Variants in ECM2 observed in about 807,000 individuals in gnomAD.
The protein encoded by ECM2 is extracellular matrix protein 2, female organ and adipocyte specific.
A neutral mutation model predicts 67.5 loss-of-function variants in ECM2; 57 were observed. The observed-to-expected ratio is 0.84, with a 90% CI of 0.68 to 1.05. The LOEUF (loss-of-function observed/expected upper bound fraction) is 1.05, where lower values mean the gene tolerates loss of function less well. Among genes scored for constraint, ECM2 ranks in the 50% least tolerant of loss-of-function variants. The probability of loss-of-function intolerance (pLI) is 0.00; values close to 1 mark genes in which losing one functional copy is unlikely to be tolerated. For synonymous variants in ECM2, 258 were observed against 294.5 expected (o/e 0.88, Z 1.27); for missense variants, 741 against 822.8 (o/e 0.90, Z 1.22).
At chr9:92,536,173 AT>A (rs1027838347), upstream of ECM2, 72 of 339,804 alleles carry the variant, frequency 2.1e-4, no homozygotes, top group East Asian at 4.0e-4. Context: ...CAAGGGAAAT[AT>A]TTTTTTTAAT....
chr9:92,541,916 C>T, the ECM2 span, among the ~76,000 whole-genome samples: 1 of 152,142 alleles, frequency 6.6e-6, no homozygotes, highest in Non-Finnish European at 1.5e-5. Context: ...GCCTCAGCTT[C>T]ATGAGTAGCT....
upstream of ECM2, among the ~76,000 whole-genome samples, chr9:92,541,258 CAAAAT>C (rs999853973): frequency 1.8e-4 from 27 of 152,080 alleles, no homozygotes; most frequent in East Asian, 5.8e-4. Context: ...GACTCCATCT[CAAAAT>C]AAAATAAAAT....
At chr9:92,548,106 T>C in the ECM2 span, among the ~76,000 whole-genome samples, 24 of 152,298 alleles carry the variant, frequency 1.6e-4, no homozygotes, top group Middle Eastern at 3.4e-3. Context: ...TAAAAATAAA[T>C]AGTGGTTTGG....
the ECM2 span, among the ~76,000 whole-genome samples, chr9:92,547,121 C>T: frequency 1.3e-5 from 2 of 152,122 alleles, no homozygotes; most frequent in African/African-American, 4.8e-5. Context: ...GTAAGTGTAA[C>T]AGTCCAAACA....
At position 92,514,820 on chromosome 9, in the gene ECM2, C is replaced by T. The variant is rs747962006; in HGVS notation, c.865G>A (p.Glu289Lys). Residue 289 changes from glutamate to lysine, a missense_variant, in exon 4 of 10, where the codon GAG (glutamate) becomes AAG (lysine). By Grantham distance (56) the Glu-to-Lys change is moderately conservative (BLOSUM62 1). Coordinates refer to ENST00000344604, the MANE Select transcript of ECM2 (RefSeq NM_001393.4). ...GEEGEEDEEDEEDPVRGDMFR... is the reference protein window; with the variant it reads ...GEEGEEDEEDKEDPVRGDMFR... ...ATATCTCCTCTTACCGGGTCCTCCTCGTCCTCCTCATCCTCCTCACCCTCC... is the reference window on the plus strand; with the variant it reads ...ATATCTCCTCTTACCGGGTCCTCCTTGTCCTCCTCATCCTCCTCACCCTCC... The T allele has an allele frequency of 9.3e-6, 15 of 1,613,026 alleles. No individual in the cohort carries two copies. The Admixed American group carries it at 1.7e-4, about 18-fold the overall frequency.
chr9:92,531,979 T>C (rs1050385756), intron 1 of ECM2, among the ~76,000 whole-genome samples: 13 of 150,496 alleles, frequency 8.6e-5, no homozygotes, highest in Non-Finnish European at 3.0e-5. Context: ...TGTTGCCTTC[T>C]TCCCACCTAC....
chr9:92,549,603 C>A, the ECM2 span, among the ~76,000 whole-genome samples: 1,489 of 150,350 alleles, frequency 9.9e-3, 17 homozygotes, highest in Non-Finnish European at 0.014. Context: ...GCCAAGATCG[C>A]GCCACTGCAC....
upstream of ECM2, among the ~76,000 whole-genome samples, chr9:92,536,329 T>G (rs1849160976): frequency 6.6e-6 from 1 of 152,138 alleles, no homozygotes; most frequent in South Asian, 2.1e-4. Flanking sequence ...ATGTTAAAGT[T>G]TATACTAGCC....
At chr9:92,543,100 G>C in the ECM2 span, among the ~76,000 whole-genome samples, 1 of 152,118 alleles carries the variant, frequency 6.6e-6, no homozygotes, top group Non-Finnish European at 1.5e-5. Context: ...CCAGTACTAT[G>C]CTGTTTGGAT....
chr9:92,539,673 A>G (rs1440922650), upstream of ECM2, among the ~76,000 whole-genome samples: 2 of 152,162 alleles, frequency 1.3e-5, no homozygotes, highest in Non-Finnish European at 2.9e-5. Context: ...GGGGAGGAGT[A>G]GTATGGACTT....
chr9:92,498,836 T>G (rs1456849375), intron 9 of ECM2, among the ~76,000 whole-genome samples: 6 of 152,208 alleles, frequency 3.9e-5, no homozygotes, highest in African/African-American at 1.4e-4. Flanking sequence ...ATTTTCAGTG[T>G]AAGAGAAACA....
chr9:92,528,765 A>C (rs1848568604), intron 1 of ECM2, among the ~76,000 whole-genome samples: 1 of 144,540 alleles, frequency 6.9e-6, no homozygotes, highest in Non-Finnish European at 1.5e-5. Flanking sequence ...TTTCTGAAAG[A>C]ATTAAACTGC....
chr9:92,500,626 T>A (rs1052710429), intron 9 of ECM2, 101 bp downstream of exon 9: 7 of 1,235,942 alleles, frequency 5.7e-6, no homozygotes, highest in Non-Finnish European at 7.9e-6. Context: ...GCACCATTTT[T>A]TTTTCCCTTA....
intron 8 of ECM2, 30 bp from the exon 9 acceptor site, chr9:92,501,083 G>A: frequency 1.3e-6 from 2 of 1,598,564 alleles, no homozygotes; most frequent in Non-Finnish European, 1.7e-6. Flanking sequence ...AAACAGGGTA[G>A]GGACATCAGG....
At chr9:92,524,399 C>T (rs947846862) in intron 1 of ECM2, among the ~76,000 whole-genome samples, 14 of 152,154 alleles carry the variant, frequency 9.2e-5, no homozygotes, top group African/African-American at 1.9e-4. Context: ...GACAGACTGG[C>T]GCAATCCCTG....
At chr9:92,502,249 A>C (rs1425866316) in intron 8 of ECM2, among the ~76,000 whole-genome samples, 1 of 152,204 alleles carries the variant, frequency 6.6e-6, no homozygotes, top group Non-Finnish European at 1.5e-5. Flanking sequence ...GGCATATGAT[A>C]GGGTGTCCAG....
chr9:92,552,004 G>GATAGACC, the ECM2 span, among the ~76,000 whole-genome samples: 1 of 138,728 alleles, frequency 7.2e-6, no homozygotes, highest in Non-Finnish European at 1.6e-5. Flanking sequence ...ATATATATGT[G>GATAGACC]TATATATATG....
chr9:92,522,501 C>G (rs1848135939), intron 2 of ECM2, 74 bp downstream of exon 2: 1 of 1,368,700 alleles, frequency 7.3e-7, no homozygotes, highest in Non-Finnish European at 9.7e-7. Flanking sequence ...CTCTCTCCCT[C>G]TCTCCTTCTC....
intron 2 of ECM2, among the ~76,000 whole-genome samples, chr9:92,520,998 G>C (rs1359422630): frequency 6.6e-6 from 1 of 152,160 alleles, no homozygotes; most frequent in African/African-American, 2.4e-5. Flanking sequence ...CCTTTTGGTG[G>C]GACGAAAATG....
Sources: allele counts gnomAD v4.1 joint callset (sites outside exome capture counted in the v4.1 genomes callset), GRCh38; gene constraint gnomAD v4.1.1; transcripts MANE v1.5; gene names NCBI Gene and HGNC (gene_info 2026-07-23, HGNC 2026-07-21).